The following ZC3H3 variants were observed in gnomAD, a reference collection of about 807,000 sequenced individuals.
The protein encoded by ZC3H3 is zinc finger CCCH domain-containing protein 3.
ZC3H3 carries 36 observed loss-of-function variants against 77.3 expected under a neutral mutation model. The observed-to-expected ratio is 0.47, with a 90% CI of 0.36 to 0.61. The LOEUF (loss-of-function observed/expected upper bound fraction) is 0.61, where lower values mean the gene tolerates loss of function less well. Among genes scored for constraint, ZC3H3 ranks in the 20% least tolerant of loss-of-function variants. The pLI is 0.00. For missense variants in ZC3H3, 1,331 were observed against 1,312.2 expected, an observed-to-expected ratio of 1.01 and a Z score of -0.22; for synonymous variants, 626 against 555.2, an observed-to-expected ratio of 1.13 and a Z score of -1.79.
intron 8 of ZC3H3, 106 bp from the exon 9 acceptor site, chr8:143,465,954 CGCGGCACCA>C: frequency 7.0e-7 from 1 of 1,434,426 alleles, no homozygotes; most frequent in Non-Finnish European, 9.3e-7. Flanking sequence ...GAAATGGACA[CGCGGCACCA>C]GCAGGCAGGA....
At chr8:143,541,219 C>G (rs1019217375) in intron 1 of ZC3H3, among the ~76,000 whole-genome samples, 157 bp downstream of exon 1, 11 of 152,194 alleles carry the variant, frequency 7.2e-5, no homozygotes, top group African/African-American at 2.4e-4. Flanking sequence ...GGGCCCTGAG[C>G]CGGCCCACAA....
At chr8:143,502,093 G>A (rs548612949) in intron 4 of ZC3H3, among the ~76,000 whole-genome samples, 12 of 152,394 alleles carry the variant, frequency 7.9e-5, no homozygotes, top group South Asian at 4.1e-4. Flanking sequence ...GTGAAGATGC[G>A]TGGGAAGACA....
chr8:143,441,535 C>T (rs984516227), intron 9 of ZC3H3, among the ~76,000 whole-genome samples: 4 of 152,172 alleles, frequency 2.6e-5, no homozygotes, highest in Admixed American at 1.3e-4. Context: ...TAGGCTGGGC[C>T]GGGAGAGGGT....
At chr8:143,521,229 C>T (rs569608453) in intron 3 of ZC3H3, among the ~76,000 whole-genome samples, 1 of 152,324 alleles carries the variant, frequency 6.6e-6, no homozygotes, top group African/African-American at 2.4e-5. Flanking sequence ...GGCAGAGGCG[C>T]GGGTGGGGGC....
intron 2 of ZC3H3, 25 bp from the exon 3 acceptor site, chr8:143,536,478 T>C (rs1292072595): frequency 2.0e-6 from 3 of 1,473,336 alleles, no homozygotes; most frequent in Non-Finnish European, 1.8e-6. Flanking sequence ...TACAGGCAGC[T>C]CTCAACAAGC....
rs747078975 is a variant in ZC3H3 at position 143,438,106 on chromosome 8, A to C, written c.2816-19T>G. ...GGCTTCCCTATGCAAAGAGGGCAAAAGTTAGGTGCCCGGAAACCCCTGGAA... is the reference window on the plus strand; with the variant it reads ...GGCTTCCCTATGCAAAGAGGGCAAACGTTAGGTGCCCGGAAACCCCTGGAA... On this transcript the variant is annotated intron_variant, in intron 11 of 11. Transcript: ENST00000262577. 10 of 1,605,902 alleles carry C rather than the reference A, an allele frequency of 6.2e-6. No homozygotes were observed. Among genetic ancestry groups the C allele is most frequent in the Middle Eastern group, 1.7e-4 (1 of 6,054 alleles).
intron 1 of ZC3H3, 40 bp downstream of exon 1, chr8:143,541,336 G>C (rs1216325334): frequency 6.2e-7 from 1 of 1,604,948 alleles, no homozygotes; most frequent in South Asian, 1.1e-5. Context: ...AGGTGAGGGG[G>C]AAAGAAGGGG....
rs775529815 is a variant in ZC3H3 at position 143,541,426 on chromosome 8, C to T, written c.-5G>A. 1 of 1,611,734 alleles carries T rather than the reference C, an allele frequency of 6.2e-7. No individual in the cohort carries two copies. The highest frequency in any genetic ancestry group is 8.5e-7 in the Non-Finnish European group (1 of 1,179,376). The stretch of plus-strand genomic sequence containing the variant: ...TAATATCTCCTTTTCCTCCATCTCC[C>T]GAGTCCGCGACGGCCGGCCAGGCCC... On this transcript the variant is annotated 5_prime_UTR_variant, in exon 1 of 12. Transcript: ENST00000262577.
chr8:143,522,943 C>T (rs552666183), intron 3 of ZC3H3, among the ~76,000 whole-genome samples: 17 of 152,080 alleles, frequency 1.1e-4, no homozygotes, highest in African/African-American at 3.9e-4. Flanking sequence ...TATATATTGC[C>T]CTTTGATTTC....
intron 4 of ZC3H3, among the ~76,000 whole-genome samples, chr8:143,505,726 T>G (rs1474767802): frequency 6.6e-6 from 1 of 152,198 alleles, no homozygotes; most frequent in African/African-American, 2.4e-5. Flanking sequence ...GGACTCAGCC[T>G]GGCCTTCACA....
At chr8:143,525,306 C>T (rs980180507) in intron 3 of ZC3H3, among the ~76,000 whole-genome samples, 7 of 152,214 alleles carry the variant, frequency 4.6e-5, no homozygotes, top group South Asian at 2.1e-4. Flanking sequence ...GAGCCACAGG[C>T]GAGGGGACCA....
In ZC3H3 at chr8:143,462,715, G is replaced by A. The variant is rs1563840811; in HGVS notation, c.2307+3002C>T. The stretch of plus-strand genomic sequence containing the variant: ...GAAAACGGCAGCGCGGAGGCTCACG[G>A]AGCAGGCACTGCAGATGCAGGAGGG... On this transcript the variant is annotated intron_variant, in intron 9 of 11. Coordinates refer to ENST00000262577, the MANE Select transcript of ZC3H3 (RefSeq NM_015117.3). The surrounding 1 kb of genome is among the most constrained non-coding windows in gnomAD (Gnocchi z 4.7). Among the ~76,000 whole-genome samples, 1 of 152,218 alleles carries A rather than the reference G, an allele frequency of 6.6e-6. No individual in the cohort carries two copies. Among genetic ancestry groups the A allele is most frequent in the Non-Finnish European group, 1.5e-5 (1 of 68,040 alleles).
chr8:143,466,993 A>T (rs911790954), intron 8 of ZC3H3, among the ~76,000 whole-genome samples: 2 of 152,162 alleles, frequency 1.3e-5, no homozygotes, highest in African/African-American at 4.8e-5. Context: ...GGGTCCAGAG[A>T]GCCAGCGGCC....
chr8:143,534,592 C>T (rs1563886354), intron 3 of ZC3H3, among the ~76,000 whole-genome samples: 2 of 152,150 alleles, frequency 1.3e-5, no homozygotes, highest in African/African-American at 2.4e-5. Flanking sequence ...CAAGCCTTGG[C>T]CTCCTAGGGC....
chr8:143,513,327 C>T (rs1471413713), intron 3 of ZC3H3, among the ~76,000 whole-genome samples: 1 of 152,106 alleles, frequency 6.6e-6, no homozygotes, highest in Non-Finnish European at 1.5e-5. Flanking sequence ...GCAGGGGGAG[C>T]CCCAGGGAAC....
intron 4 of ZC3H3, among the ~76,000 whole-genome samples, chr8:143,501,099 G>A (rs549989351): frequency 6.6e-6 from 1 of 151,832 alleles, no homozygotes; most frequent in Non-Finnish European, 1.5e-5. Flanking sequence ...TTACAGGGGT[G>A]AGCCACTGCA....
intron 9 of ZC3H3, among the ~76,000 whole-genome samples, chr8:143,447,739 G>C (rs926769391): frequency 2.0e-5 from 3 of 152,308 alleles, no homozygotes; most frequent in Middle Eastern, 3.4e-3. Context: ...GCAGGAGGAC[G>C]AGAGAGAGCG....
At chr8:143,536,659 A>G (rs1267678783) in intron 2 of ZC3H3, among the ~76,000 whole-genome samples, 1 of 152,138 alleles carries the variant, frequency 6.6e-6, no homozygotes. Flanking sequence ...GCTTGGATCC[A>G]CAATCCCAGA....
At chr8:143,472,861 C>A (rs1338063582) in intron 5 of ZC3H3, among the ~76,000 whole-genome samples, 1 of 152,156 alleles carries the variant, frequency 6.6e-6, no homozygotes, top group East Asian at 1.9e-4. Flanking sequence ...CAGCCTTGGC[C>A]CTGTGCAGGG....
Sources: gnomAD v4.1 joint callset for allele counts (sites outside exome capture counted in the v4.1 genomes callset) on GRCh38, gnomAD v4.1.1 for gene constraint, Gnocchi (gnomAD v3.1) non-coding constraint, MANE v1.5 for transcripts, NCBI Gene and HGNC (gene_info 2026-07-23, HGNC 2026-07-21) for gene names.